The following PRR35 variants were observed in gnomAD, a reference collection of about 807,000 sequenced individuals.
PRR35 encodes proline rich 35, also known as proline-rich protein 35.
A neutral mutation model predicts 18.6 loss-of-function variants in PRR35; 14 were observed. That is an observed-to-expected ratio of 0.75 (90% CI 0.50 to 1.18). The LOEUF (loss-of-function observed/expected upper bound fraction) is 1.18, where lower values mean the gene tolerates loss of function less well. Among genes scored for constraint, PRR35 ranks in the 50% most tolerant of loss-of-function variants. The pLI is 0.00. For missense variants in PRR35, 832 were observed against 792.2 expected, an observed-to-expected ratio of 1.05 and a Z score of -0.60; for synonymous variants, 425 against 378.2, an observed-to-expected ratio of 1.12 and a Z score of -1.43.
chr16:563,557 C>A lies in PRR35; in HGVS notation c.263C>A (p.Pro88His), dbSNP rs1433075646. 1.6e-5 allele frequency: 25 copies of A among 1,608,674 alleles called. No homozygotes were observed. The highest frequency in any genetic ancestry group is 2.0e-5 in the Non-Finnish European group (24 of 1,178,354). The change falls in exon 2 of 3, where the codon CCC becomes CAC. Residue 88 changes from proline (P) to histidine (H), a missense_variant. Physicochemically the swap from Pro to His is moderately conservative, Grantham distance 77. This residue lies in a region of PRR35 where 768 missense variants were observed against 704.1 expected (regional missense o/e 1.09). Coordinates refer to ENST00000409413, the MANE Select transcript of PRR35 (RefSeq NM_145270.3). ...RGSTTPRPHAPTPDRPGESDP... is the reference protein window; with the variant it reads ...RGSTTPRPHAHTPDRPGESDP... ...TCCACCACGCCTAGGCCCCACGCAC[C>A]CACCCCAGACCGCCCTGGGGAGTCC... is the stretch of plus-strand genomic sequence containing the variant.
rs1043380832 is a variant in PRR35, at chr16:560,463, T to C, written c.-238T>C. The C allele has an allele frequency of 7.5e-5, 74 of 981,704 alleles. No homozygotes were observed. The African/African-American group carries it at 1.2e-3, about 16-fold the overall frequency. 60.8% of individuals were successfully genotyped at this position (981,704 alleles called of 1,614,324 possible). A position where few individuals can be genotyped will look rare whatever the true frequency, so the allele number is the denominator to read the frequency against. On this transcript the variant is annotated 5_prime_UTR_variant, in exon 1 of 3. Transcript: ENST00000409413. ...CGGAGGCTGCGGGAGTCGCTGCCGC[T>C]CGAGGGACCGCGGACCCGGGAGGTC...
chr16:561,940 G>A (rs1260006167), intron 1 of PRR35, among the ~76,000 whole-genome samples: 2 of 152,250 alleles, frequency 1.3e-5, no homozygotes, highest in Admixed American at 6.5e-5. Context: ...CCGTGATGGA[G>A]TGTGAGGTGT....
chr16:564,172 C>A lies in PRR35; in HGVS notation c.878C>A (p.Pro293His). Residue 293 changes from proline to histidine, a missense_variant, in exon 2 of 3, where the codon CCC becomes CAC. Physicochemically the swap from Pro to His is moderately conservative, Grantham distance 77 (BLOSUM62 -2). Around this residue, in one of 3 missense-constraint regions of PRR35, gnomAD observed 768 missense variants for 704.1 expected, o/e 1.09. Coordinates refer to ENST00000409413, the MANE Select transcript of PRR35 (RefSeq NM_145270.3). ...LAKAPVSPRS[P>H]SGTPAPGLLK... ...AAGGCCCCTGTCTCCCCCAGGAGCC[C>A]CTCTGGGACTCCGGCTCCTGGCCTG... is the stretch of plus-strand genomic sequence containing the variant. 1.9e-6 allele frequency: 3 copies of A among 1,564,918 alleles called. No individual in the cohort carries two copies. Among genetic ancestry groups the A allele is most frequent in the East Asian group, 2.4e-5 (1 of 42,396 alleles).
At chr16:564,447 G>T in intron 2 of PRR35, 71 bp downstream of exon 2, 1 of 1,540,510 alleles carries the variant, frequency 6.5e-7, no homozygotes, top group Non-Finnish European at 8.7e-7. Flanking sequence ...CGGTTGGGCG[G>T]CTGGGCATGG....
chr16:563,387 G>C lies in PRR35; in HGVS notation c.93G>C (p.Trp31Cys), dbSNP rs1190256611. The stretch of plus-strand genomic sequence containing the variant: ...AGCCACACTACATCCCGCGGCCCTG[G>C]GGCAAACCCTACAACTACAAATGCT... ...PKKPHYIPRP[W>C]GKPYNYKCFQ... The change falls in exon 2 of 3, where the codon TGG becomes TGC. Residue 31 changes from tryptophan to cysteine, a missense_variant. Transcript: ENST00000409413. 1 of 1,612,400 alleles carries C rather than the reference G, an allele frequency of 6.2e-7. No homozygotes were observed. The highest frequency in any genetic ancestry group is 1.1e-5 in the South Asian group (1 of 91,088).
In PRR35 at chr16:564,903, G is replaced by T. The variant is rs1408168659; in HGVS notation, c.1312G>T (p.Glu438Ter). 6.3e-7 allele frequency: 1 copy of T among 1,592,676 alleles called. No individual in the cohort carries two copies. The highest frequency in any genetic ancestry group is 2.3e-5 in the East Asian group (1 of 44,240). ...AGGLAPRPLR[E>*]QLGKIRLELL... ...GGGCCTGGCCCCGAGACCCCTGCGG[G>T]AGCAGCTGGGCAAGATCCGCCTGGA... The change falls in exon 3 of 3, where the codon GAG becomes TAG. Residue 438 changes from glutamate (E) to a stop codon, truncating the protein, a stop_gained. Transcript: ENST00000409413. LOFTEE classifies it low-confidence loss of function (END_TRUNC).
chr16:563,652 G>T lies in PRR35; in HGVS notation c.358G>T (p.Asp120Tyr). 6.3e-7 allele frequency: 1 copy of T among 1,575,594 alleles called. No homozygotes were observed. Residue 120 changes from aspartate to tyrosine, a missense_variant, in exon 2 of 3, where the codon GAC (aspartate) becomes TAC (tyrosine). Transcript: ENST00000409413. ...AAPAPDLVVADIHSLHCGGGP... is the reference protein window; with the variant it reads ...AAPAPDLVVAYIHSLHCGGGP... ...CCCCGCGCCTGACCTCGTGGTCGCC[G>T]ACATCCACTCCCTGCACTGTGGCGG...
chr16:560,039 C>T (rs1366874137), upstream of PRR35, among the ~76,000 whole-genome samples: 1 of 152,080 alleles, frequency 6.6e-6, no homozygotes, highest in Non-Finnish European at 1.5e-5. Context: ...CATCACGCCG[C>T]GGCGGGGACC....
At position 564,880 on chromosome 16, in the gene PRR35, G is replaced by T. The variant is rs771335198; in HGVS notation, c.1289G>T (p.Gly430Val). 6.4e-7 allele frequency: 1 copy of T among 1,574,150 alleles called. No homozygotes were observed. The highest frequency in any genetic ancestry group is 8.6e-7 in the Non-Finnish European group (1 of 1,164,938). The change falls in exon 3 of 3, where the codon GGC becomes GTC. Residue 430 changes from glycine (G) to valine (V), a missense_variant. By Grantham distance (109) the Gly-to-Val change is moderately radical. Coordinates refer to ENST00000409413, the MANE Select transcript of PRR35 (RefSeq NM_145270.3). ...QRLGQLGPAG[G>V]LAPRPLREQL... is the part of the protein sequence containing the mutation. Reference sequence around the variant, plus strand: ...CTGGGACAGTTGGGGCCCGCGGGGGGCCTGGCCCCGAGACCCCTGCGGGAG... The same window carrying T: ...CTGGGACAGTTGGGGCCCGCGGGGGTCCTGGCCCCGAGACCCCTGCGGGAG...
intron 1 of PRR35, among the ~76,000 whole-genome samples, chr16:560,900 G>C (rs1253016588): frequency 6.7e-6 from 1 of 148,856 alleles, no homozygotes; most frequent in Non-Finnish European, 1.5e-5. Flanking sequence ...CCTCGCGCTC[G>C]CCGCACCCGC....
At chr16:564,582 G>C in intron 2 of PRR35, 92 bp from the exon 3 acceptor site, 1 of 1,420,126 alleles carries the variant, frequency 7.0e-7, no homozygotes, top group Non-Finnish European at 9.3e-7. Context: ...CTCTAGGCTG[G>C]GGCCACAGGG....
chr16:560,746 G>A, intron 1 of PRR35, 85 bp downstream of exon 1: 3 of 940,218 alleles, frequency 3.2e-6, no homozygotes, highest in Non-Finnish European at 3.8e-6. Context: ...CGGGTGGCCA[G>A]GCGTGTGGGG....
At position 564,900 on chromosome 16, in the gene PRR35, C is replaced by T. The variant is rs375348801; in HGVS notation, c.1309C>T (p.Arg437Trp). ...GGGGGGCCTGGCCCCGAGACCCCTG[C>T]GGGAGCAGCTGGGCAAGATCCGCCT... ...PAGGLAPRPL[R>W]EQLGKIRLEL... Residue 437 changes from arginine (R) to tryptophan (W), a missense_variant, in exon 3 of 3, where the codon CGG becomes TGG. Arg to Trp is a moderately radical substitution (Grantham distance 101). This residue lies in a region of PRR35 where 768 missense variants were observed against 704.1 expected (regional missense o/e 1.09). Coordinates refer to ENST00000409413, the MANE Select transcript of PRR35 (RefSeq NM_145270.3). The T allele has an allele frequency of 1.3e-5, 21 of 1,590,134 alleles. No homozygotes were observed. The highest frequency in any genetic ancestry group is 3.3e-4 in the Middle Eastern group (2 of 6,000).
At chr16:560,941 G>GC (rs2035423728) in intron 1 of PRR35, among the ~76,000 whole-genome samples, 1 of 150,768 alleles carries the variant, frequency 6.6e-6, no homozygotes, top group South Asian at 2.1e-4. Flanking sequence ...TCCCGGGGGG[G>GC]GGGGCAGCAG....
chr16:562,746 C>A (rs2035461135), intron 1 of PRR35, among the ~76,000 whole-genome samples: 1 of 152,224 alleles, frequency 6.6e-6, no homozygotes. Context: ...AGGCTGACGT[C>A]CACCCGAAGT....
rs1442876877 is a variant in PRR35 at position 563,167 on chromosome 16, C to T, written c.-39-89C>T. 41 of 1,294,294 alleles carry T rather than the reference C, an allele frequency of 3.2e-5. No homozygotes were observed. The East Asian group carries it at 6.8e-4, about 21-fold the overall frequency. 80.2% of individuals were successfully genotyped at this position (1,294,294 alleles called of 1,614,324 possible). A position where few individuals can be genotyped will look rare whatever the true frequency, so the allele number is the denominator to read the frequency against. ...CGGGGTGGGGGGAGCACCCAGGCTC[C>T]AGTCCCTGGAGCCTGGGGAGCCATG... On this transcript the variant is annotated intron_variant, in intron 1 of 2. Transcript: ENST00000409413.
upstream of PRR35, among the ~76,000 whole-genome samples, chr16:560,098 C>G (rs2035408387): frequency 1.3e-5 from 2 of 151,820 alleles, no homozygotes; most frequent in Admixed American, 1.3e-4. Context: ...CTGCGGGCAA[C>G]GGGGGCGGGA....
chr16:561,131 G>A (rs2035427386), intron 1 of PRR35, among the ~76,000 whole-genome samples: 1 of 152,222 alleles, frequency 6.6e-6, no homozygotes, highest in African/African-American at 2.4e-5. Context: ...AGCGATTGCC[G>A]GGTCCGGCTG....
In PRR35 at chr16:563,887, T is replaced by A. The variant is rs1189969660; in HGVS notation, c.593T>A (p.Phe198Tyr). ...PCYPPPAPGEFPEAHSLHLSL... is the reference protein window; with the variant it reads ...PCYPPPAPGEYPEAHSLHLSL... ...TATCCCCCGCCTGCCCCAGGGGAGT[T>A]CCCTGAGGCCCACAGCCTCCACCTG... is the stretch of plus-strand genomic sequence containing the variant. The change falls in exon 2 of 3, where the codon TTC becomes TAC. Residue 198 changes from phenylalanine to tyrosine, a missense_variant. Physicochemically the swap from Phe to Tyr is conservative, Grantham distance 22 (BLOSUM62 3). This residue lies in a region of PRR35 where 768 missense variants were observed against 704.1 expected (regional missense o/e 1.09). Transcript: ENST00000409413. 2 of 1,580,000 alleles carry A rather than the reference T, an allele frequency of 1.3e-6. No homozygotes were observed. Among genetic ancestry groups the A allele is most frequent in the South Asian group, 2.3e-5 (2 of 86,478 alleles).
Sources: allele counts gnomAD v4.1 joint callset (sites outside exome capture counted in the v4.1 genomes callset), GRCh38; gene constraint gnomAD v4.1.1; regional missense constraint gnomAD v4.1.1; transcripts MANE v1.5; gene names NCBI Gene and HGNC (gene_info 2026-07-23, HGNC 2026-07-21).